LTBP1: variants seen among roughly 807,000 people sequenced by gnomAD.
LTBP1 encodes the protein latent transforming growth factor beta binding protein 1, also known as latent-transforming growth factor beta-binding protein 1.
Under a neutral mutation model 207.6 loss-of-function variants are expected in LTBP1, and 129 were observed. The observed-to-expected ratio is 0.62, with a 90% CI of 0.54 to 0.72. The LOEUF (loss-of-function observed/expected upper bound fraction) is 0.72, where lower values mean the gene tolerates loss of function less well. Among genes scored for constraint, LTBP1 ranks in the 30% least tolerant of loss-of-function variants. LTBP1 has a pLI of 0.00. For synonymous variants in LTBP1, 963 were observed against 833.7 expected, an observed-to-expected ratio of 1.16 and a Z score of -2.67; for missense variants, 2,281 against 2,217.2, an observed-to-expected ratio of 1.03 and a Z score of -0.58.
chr2:33,245,484 G>C (rs999424178), intron 10 of LTBP1, among the ~76,000 whole-genome samples: 1 of 152,174 alleles, frequency 6.6e-6, no homozygotes, highest in African/African-American at 2.4e-5. Flanking sequence ...TGCAGATTAG[G>C]AAGTTTTACA....
chr2:33,013,706 A>G (rs1687977694), intron 2 of LTBP1, among the ~76,000 whole-genome samples: 1 of 152,186 alleles, frequency 6.6e-6, no homozygotes, highest in Non-Finnish European at 1.5e-5. Context: ...GTGCTTTTAC[A>G]ACTATTGACG....
intron 18 of LTBP1, among the ~76,000 whole-genome samples, chr2:33,277,890 T>C (rs2093478885): frequency 6.7e-6 from 1 of 148,170 alleles, no homozygotes; most frequent in Non-Finnish European, 1.5e-5. Flanking sequence ...AGTGCAGTGG[T>C]GCGATCTCAG....
chr2:33,300,342 A>G, intron 20 of LTBP1, 109 bp from the exon 21 acceptor site: 1 of 1,080,148 alleles, frequency 9.3e-7, no homozygotes, highest in Admixed American at 1.9e-5. Flanking sequence ...TGCCAGACAT[A>G]AGAAGTACTA....
rs748645847 is a variant in LTBP1 at position 33,187,086 on chromosome 2, C to G, written c.1426+6C>G. 6.2e-7 allele frequency: 1 copy of G among 1,612,008 alleles called. No individual in the cohort carries two copies. Among genetic ancestry groups the G allele is most frequent in the South Asian group, 1.1e-5 (1 of 90,978 alleles). ...TAGCCAGCAAGGAGTCAAAGGTAAG[C>G]TTTTTTCATTCCGCCCATTTGCCAG... On this transcript the variant is annotated splice_donor_region_variant and intron_variant, in intron 6 of 33. Coordinates refer to ENST00000404816, the MANE Select transcript of LTBP1 (RefSeq NM_206943.4).
At chr2:33,327,651 G>A (rs1409297180) in intron 24 of LTBP1, among the ~76,000 whole-genome samples, 1 of 152,164 alleles carries the variant, frequency 6.6e-6, no homozygotes, top group Non-Finnish European at 1.5e-5. Context: ...TAAGCAGATA[G>A]GAAGTGGTGG....
intron 4 of LTBP1, among the ~76,000 whole-genome samples, chr2:33,123,177 ATTGT>A (rs1368330770): frequency 6.6e-6 from 1 of 152,142 alleles, no homozygotes; most frequent in Non-Finnish European, 1.5e-5. Flanking sequence ...CACTTGGAGA[ATTGT>A]TCTGCCTGGC....
chr2:33,208,161 T>A (rs1184921376), intron 7 of LTBP1, among the ~76,000 whole-genome samples: 1 of 152,224 alleles, frequency 6.6e-6, no homozygotes, highest in Non-Finnish European at 1.5e-5. Context: ...TGTGCCAGAA[T>A]GTTAGAGTAA....
intron 5 of LTBP1, among the ~76,000 whole-genome samples, chr2:33,177,968 C>A (rs1185055733): frequency 6.6e-6 from 1 of 152,114 alleles, no homozygotes; most frequent in Non-Finnish European, 1.5e-5. Flanking sequence ...TTACCTGCAC[C>A]CCTCTGTACC....
intron 5 of LTBP1, among the ~76,000 whole-genome samples, chr2:33,184,896 A>T (rs2087033412): frequency 6.6e-6 from 1 of 151,978 alleles, no homozygotes; most frequent in South Asian, 2.1e-4. Flanking sequence ...GCATACAGAG[A>T]AGTAGTCAGT....
intron 5 of LTBP1, among the ~76,000 whole-genome samples, chr2:33,149,901 T>A (rs1558708720): frequency 6.6e-6 from 1 of 152,210 alleles, no homozygotes; most frequent in African/African-American, 2.4e-5. Flanking sequence ...CACTTTCAAA[T>A]AAACATAACA....
chr2:33,337,227 C>G (rs1197451934), intron 24 of LTBP1, among the ~76,000 whole-genome samples: 2 of 152,108 alleles, frequency 1.3e-5, no homozygotes, highest in African/African-American at 4.8e-5. Flanking sequence ...TGAATGCAGT[C>G]AGTAGGTTTT....
intron 20 of LTBP1, among the ~76,000 whole-genome samples, chr2:33,297,808 C>G (rs746306287): frequency 7.9e-5 from 12 of 152,290 alleles, no homozygotes; most frequent in Middle Eastern, 3.4e-3. Context: ...TTTTTCCAGT[C>G]ACGTCCTCTT....
intron 5 of LTBP1, among the ~76,000 whole-genome samples, chr2:33,166,067 G>GTTTTT (rs143905437): frequency 1.4e-5 from 2 of 140,842 alleles, no homozygotes; most frequent in Non-Finnish European, 1.6e-5. Flanking sequence ...AGTAATGTAT[G>GTTTTT]TTTTTTTTTT....
At chr2:33,240,050 G>A (rs559598652) in intron 9 of LTBP1, among the ~76,000 whole-genome samples, 1 of 152,138 alleles carries the variant, frequency 6.6e-6, no homozygotes, top group African/African-American at 2.4e-5. Context: ...AAAGAAAGAA[G>A]ATAGCTTTAG....
chr2:33,202,084 G>T (rs539254972), intron 7 of LTBP1, among the ~76,000 whole-genome samples: 1 of 140,244 alleles, frequency 7.1e-6, no homozygotes, highest in South Asian at 2.2e-4. Context: ...GGGCCAAATA[G>T]ATATACTTAG....
At chr2:33,253,069 T>C (rs2092727599) in intron 11 of LTBP1, among the ~76,000 whole-genome samples, 1 of 152,220 alleles carries the variant, frequency 6.6e-6, no homozygotes, top group African/African-American at 2.4e-5. Context: ...AGACTTCCTT[T>C]TGAATATTAA....
chr2:33,109,283 A>C lies in LTBP1; in HGVS notation c.864-1299A>C, dbSNP rs371927179. Among the ~76,000 whole-genome samples the C allele has an allele frequency of 5.3e-5, 8 of 152,162 alleles. No individual in the cohort carries two copies. The East Asian group carries it at 1.3e-3, about 26-fold the overall frequency. On this transcript the variant is annotated intron_variant, in intron 3 of 33. Coordinates refer to ENST00000404816, the MANE Select transcript of LTBP1 (RefSeq NM_206943.4). ...GCTTGACAATTTGCCTTTTGCACTG[A>C]CTGCCATGGCGTCATTTCTTCCCCT...
intron 2 of LTBP1, among the ~76,000 whole-genome samples, chr2:32,980,899 A>G (rs2148715213): frequency 6.6e-6 from 1 of 152,266 alleles, no homozygotes; most frequent in East Asian, 1.9e-4. Flanking sequence ...TATGTCCATG[A>G]CACTCTCTCC....
At chr2:33,211,023 C>G (rs2090269670) in intron 7 of LTBP1, among the ~76,000 whole-genome samples, 1 of 152,134 alleles carries the variant, frequency 6.6e-6, no homozygotes, top group Admixed American at 6.5e-5. Context: ...AAAAGATGTT[C>G]TCTACTGAAA....
Sources: gnomAD v4.1 joint callset for allele counts (sites outside exome capture counted in the v4.1 genomes callset) on GRCh38, gnomAD v4.1.1 for gene constraint, MANE v1.5 for transcripts, NCBI Gene and HGNC (gene_info 2026-07-23, HGNC 2026-07-21) for gene names.